Variants in LDLRAD3 observed in about 807,000 individuals in gnomAD.
LDLRAD3 encodes the protein low-density lipoprotein receptor class A domain-containing protein 3.
LDLRAD3 carries 20 observed loss-of-function variants against 29.4 expected under a neutral mutation model. The observed-to-expected ratio is 0.68, with a 90% CI of 0.48 to 0.99. The LOEUF (loss-of-function observed/expected upper bound fraction) is 0.99, where lower values mean the gene tolerates loss of function less well. LDLRAD3 is among the 50% of genes least tolerant of loss of function. The pLI, the probability that LDLRAD3 is intolerant of heterozygous loss-of-function variation, is 0.00. For synonymous variants in LDLRAD3, 157 were observed against 192.7 expected, an observed-to-expected ratio of 0.81 and a Z score of 1.53; for missense variants, 420 against 454.3, an observed-to-expected ratio of 0.92 and a Z score of 0.69.
intron 4 of LDLRAD3, among the ~76,000 whole-genome samples, chr11:36,176,600 T>A (rs1277038887): frequency 6.6e-6 from 1 of 152,220 alleles, no homozygotes; most frequent in Non-Finnish European, 1.5e-5. Context: ...TACAGGATTC[T>A]TGGCTGATAA....
At chr11:36,209,976 A>T (rs962732311) in intron 4 of LDLRAD3, among the ~76,000 whole-genome samples, 3 of 152,244 alleles carry the variant, frequency 2.0e-5, no homozygotes, top group East Asian at 1.9e-4. Flanking sequence ...CATGGCTAGG[A>T]GAGAGATACA....
chr11:36,197,195 G>GT, intron 4 of LDLRAD3: 1 of 152,286 alleles, frequency 6.6e-6, no homozygotes, highest in African/African-American at 2.4e-5. Context: ...AGAAAACTCT[G>GT]TTTTTTCAGA....
intron 4 of LDLRAD3, among the ~76,000 whole-genome samples, chr11:36,193,016 A>G (rs1854978908): frequency 6.6e-6 from 1 of 152,200 alleles, no homozygotes; most frequent in South Asian, 2.1e-4. Context: ...AGTAGTGTCT[A>G]TGTTGTAACA....
intron 3 of LDLRAD3, 90 bp downstream of exon 3, chr11:36,081,868 T>A: frequency 1.4e-6 from 2 of 1,471,366 alleles, no homozygotes; most frequent in Non-Finnish European, 1.9e-6. Context: ...ATGTGCTTCT[T>A]ATACCTAGAG....
At chr11:36,185,691 C>G (rs779053602) in intron 4 of LDLRAD3, among the ~76,000 whole-genome samples, 8 of 152,190 alleles carry the variant, frequency 5.3e-5, no homozygotes, top group African/African-American at 9.7e-5. Flanking sequence ...TGAAGGATGC[C>G]TCTCTTTACC....
intron 4 of LDLRAD3, among the ~76,000 whole-genome samples, chr11:36,165,028 C>T (rs1382837129): frequency 1.3e-5 from 2 of 152,222 alleles, no homozygotes; most frequent in East Asian, 3.8e-4. Context: ...ATTTTACCCA[C>T]ATTTCCTGCT....
At chr11:36,118,545 GA>G (rs1158431478) in intron 4 of LDLRAD3, among the ~76,000 whole-genome samples, 1 of 150,850 alleles carries the variant, frequency 6.6e-6, no homozygotes, top group Non-Finnish European at 1.5e-5. Flanking sequence ...GAGAGAGAGA[GA>G]AAAAAAATAC....
At chr11:35,954,032 A>G (rs1231150431) in intron 1 of LDLRAD3, among the ~76,000 whole-genome samples, 1 of 152,212 alleles carries the variant, frequency 6.6e-6, no homozygotes, top group Non-Finnish European at 1.5e-5. Context: ...AGATAGAACT[A>G]ATCTTGTAAA....
In LDLRAD3 at chr11:36,157,863, G is replaced by A. The variant is rs145889645; in HGVS notation, c.454+59402G>A. Among the ~76,000 whole-genome samples the A allele has an allele frequency of 1.6e-4, 25 of 152,140 alleles. No homozygotes were observed. The East Asian group carries it at 4.8e-3, about 29-fold the overall frequency. ...ATTATAAGGAATCTAGATCTGTCAC[G>A]GGTAGATGCTTCCAGGTTCTGGGAG... is the stretch of plus-strand genomic sequence containing the variant. On this transcript the variant is annotated intron_variant, in intron 4 of 5. Coordinates refer to ENST00000315571, the MANE Select transcript of LDLRAD3 (RefSeq NM_174902.4).
intron 1 of LDLRAD3, among the ~76,000 whole-genome samples, chr11:35,977,673 A>G (rs982944128): frequency 6.6e-6 from 1 of 152,196 alleles, no homozygotes; most frequent in Non-Finnish European, 1.5e-5. Context: ...TGGGTAATTT[A>G]TAGACAATAG....
intron 4 of LDLRAD3, among the ~76,000 whole-genome samples, chr11:36,104,018 C>T (rs1017035063): frequency 2.0e-5 from 3 of 152,260 alleles, no homozygotes; most frequent in Non-Finnish European, 1.5e-5. Context: ...GATTGTGACT[C>T]GCTTTTAACA....
intron 4 of LDLRAD3, among the ~76,000 whole-genome samples, chr11:36,103,022 A>G (rs888528580): frequency 6.6e-6 from 1 of 152,086 alleles, no homozygotes; most frequent in African/African-American, 2.4e-5. Context: ...ACCGTTTGTA[A>G]GTATACAGTT....
At chr11:36,131,009 T>C (rs1221651519) in intron 4 of LDLRAD3, among the ~76,000 whole-genome samples, 1 of 152,196 alleles carries the variant, frequency 6.6e-6, no homozygotes, top group East Asian at 1.9e-4. Flanking sequence ...ACCAGGCATC[T>C]CAGGATGCCT....
At position 36,227,143 on chromosome 11, in the gene LDLRAD3, C is replaced by A. The variant is rs776603047; in HGVS notation, c.513C>A (p.Ser171Arg). The change falls in exon 5 of 6, where the codon AGC (serine) becomes AGA (arginine). Residue 171 changes from serine (S) to arginine (R), a missense_variant. Transcript: ENST00000315571. Reference protein sequence around the residue: ...TSENQLVYYPSITYAIIGSSV... With the variant: ...TSENQLVYYPRITYAIIGSSV... Reference sequence around the variant, plus strand: ...AGAACCAACTTGTGTATTACCCCAGCATCACCTATGCCATCATCGGCAGCT... The same window carrying A: ...AGAACCAACTTGTGTATTACCCCAGAATCACCTATGCCATCATCGGCAGCT... The A allele has an allele frequency of 6.2e-7, 1 of 1,613,480 alleles. No homozygotes were observed. The highest frequency in any genetic ancestry group is 1.1e-5 in the South Asian group (1 of 90,958).
chr11:35,998,903 G>T (rs59678999), intron 1 of LDLRAD3, among the ~76,000 whole-genome samples: 1 of 152,232 alleles, frequency 6.6e-6, no homozygotes, highest in South Asian at 2.1e-4. Flanking sequence ...TTGATCATTG[G>T]TATGAGTCCT....
intron 4 of LDLRAD3, among the ~76,000 whole-genome samples, chr11:36,125,365 G>A (rs1043716322): frequency 3.9e-5 from 6 of 152,072 alleles, no homozygotes; most frequent in South Asian, 2.1e-4. Context: ...TTCTGTCCTC[G>A]TTTTCTCTGC....
intron 1 of LDLRAD3, among the ~76,000 whole-genome samples, chr11:35,979,444 T>A (rs1026955637): frequency 6.6e-6 from 1 of 152,224 alleles, no homozygotes; most frequent in Non-Finnish European, 1.5e-5. Context: ...GGATATTTAT[T>A]GATGGTGGAA....
intron 1 of LDLRAD3, among the ~76,000 whole-genome samples, chr11:35,984,275 G>T (rs1007762699): frequency 6.6e-6 from 1 of 152,042 alleles, no homozygotes; most frequent in African/African-American, 2.4e-5. Flanking sequence ...CGCCCACAAT[G>T]CATTAGGCAT....
rs116300187 is a variant in LDLRAD3 at position 36,060,411 on chromosome 11, T to C, written c.194-21242T>C. Among the ~76,000 whole-genome samples the C allele has an allele frequency of 6.3e-3, 951 of 151,836 alleles. 11 individuals carry two copies. The highest frequency in any genetic ancestry group is 0.022 in the African/African-American group (911 of 41,350). On this transcript the variant is annotated intron_variant, in intron 2 of 5. Coordinates refer to ENST00000315571, the MANE Select transcript of LDLRAD3 (RefSeq NM_174902.4). ...CACAATCAAAGATCATGTAGCCATG[T>C]AGCTAGAAAGTTGCAGAGCTGGGGT...
Sources: allele counts gnomAD v4.1 joint callset (sites outside exome capture counted in the v4.1 genomes callset), GRCh38; gene constraint gnomAD v4.1.1; transcripts MANE v1.5; gene names NCBI Gene and HGNC (gene_info 2026-07-23, HGNC 2026-07-21).